NOX5: variants seen among roughly 807,000 people sequenced by gnomAD.
The protein encoded by NOX5 is NADPH oxidase, EF-hand calcium binding domain 5.
A neutral mutation model predicts 85.7 loss-of-function variants in NOX5; 76 were observed. The observed-to-expected ratio is 0.89, with a 90% CI of 0.74 to 1.07. The LOEUF is 1.07. Ranked by LOEUF, NOX5 falls within the 50% of genes least tolerant of loss-of-function variation. The pLI is 0.00. For synonymous variants in NOX5, 405 were observed against 401.4 expected, an observed-to-expected ratio of 1.01 and a Z score of -0.11; for missense variants, 973 against 999.5, an observed-to-expected ratio of 0.97 and a Z score of 0.36.
At position 69,033,193 on chromosome 15, in the gene NOX5, C is replaced by T; in HGVS notation, c.771C>T (p.Ala257=). The T allele has an allele frequency of 6.3e-7, 1 of 1,594,020 alleles. No individual in the cohort carries two copies. The highest frequency in any genetic ancestry group is 8.5e-7 in the Non-Finnish European group (1 of 1,177,572). ...GLHVLLFGLA[A]SAHRDLGASV... ...ACGTGCTGCTCTTCGGGCTGGCGGC[C>T]AGCGCGCACCGGGACCTCGGCGCCA... is the stretch of plus-strand genomic sequence containing the variant. Residue 257 remains alanine (A), a synonymous_variant, in exon 5 of 16, where the codon GCC becomes GCT. Coordinates refer to ENST00000388866, the MANE Select transcript of NOX5 (RefSeq NM_024505.4).
At chr15:69,054,220 A>G (rs369613752) in intron 14 of NOX5, among the ~76,000 whole-genome samples, 107 of 152,264 alleles carry the variant, frequency 7.0e-4, no homozygotes, top group African/African-American at 2.5e-3. Flanking sequence ...TAAAAATGAT[A>G]ACATTCATAT....
intron 3 of NOX5, chr15:69,030,673 C>G (rs989865662): frequency 3.3e-5 from 5 of 152,162 alleles, no homozygotes; most frequent in African/African-American, 1.2e-4. Context: ...ATAATATACT[C>G]TAATTGATTC....
chr15:69,060,712 A>G lies in NOX5; in HGVS notation c.*4016A>G, dbSNP rs1334719307. ...GATGTCATGTAAAAGAAAAGAAAAA[A>G]CAAGTACCAAGTGTTTGATATAATC... On this transcript the variant is annotated 3_prime_UTR_variant, in exon 16 of 16. Transcript: ENST00000388866. 6.6e-6 allele frequency: 1 copy of G among 152,236 alleles called. No individual in the cohort carries two copies. Among genetic ancestry groups the G allele is most frequent in the African/African-American group, 2.4e-5 (1 of 41,456 alleles). The allele number at this position is 152,236 out of a possible 1,614,324, so 9.4% of individuals were successfully genotyped here.
At position 69,033,081 on chromosome 15, in the gene NOX5, G is replaced by T. The variant is rs746885049; in HGVS notation, c.659G>T (p.Arg220Leu). The T allele has an allele frequency of 6.5e-7, 1 of 1,547,840 alleles. No homozygotes were observed. Among genetic ancestry groups the T allele is most frequent in the Admixed American group, 1.9e-5 (1 of 51,944 alleles). ...CTGACGGCCCCCGCCCCCCGCCCAC[G>T]CCCGCGCCGGCCGCGCCAGCTGACC... ...HWLTAPAPRP[R>L]PRRPRQLTRA... Residue 220 changes from arginine (R) to leucine (L), a missense_variant, in exon 5 of 16, where the codon CGC becomes CTC. Arg to Leu is a moderately radical substitution (Grantham distance 102). Coordinates refer to ENST00000388866, the MANE Select transcript of NOX5 (RefSeq NM_024505.4).
intron 2 of NOX5, 73 bp downstream of exon 2, chr15:69,026,724 A>G (rs1277393337): frequency 7.5e-6 from 12 of 1,597,044 alleles, no homozygotes; most frequent in African/African-American, 6.7e-5. Context: ...TAGCCCTTAC[A>G]GGGAGGGAAA....
In NOX5 at chr15:69,031,744, C is replaced by T. The variant is rs1359806135; in HGVS notation, c.552C>T (p.Ala184=). Residue 184 remains alanine, a synonymous_variant, in exon 4 of 16, where the codon GCC becomes GCT. Coordinates refer to ENST00000388866, the MANE Select transcript of NOX5 (RefSeq NM_024505.4). The part of the protein sequence containing the change: ...FESADADGNG[A]ITFEELRDEL... ...CGGCCGACGCGGACGGCAACGGGGC[C>T]ATCACCTTCGAGGAGCTCCGGGACG... is the stretch of plus-strand genomic sequence containing the variant. 6 of 1,612,598 alleles carry T rather than the reference C, an allele frequency of 3.7e-6. No individual in the cohort carries two copies. Among genetic ancestry groups the T allele is most frequent in the Non-Finnish European group, 5.1e-6 (6 of 1,179,402 alleles).
rs1036591602 is a variant in NOX5 at position 69,030,426 on chromosome 15, A to G, written c.326-1092A>G. Reference sequence around the variant, plus strand: ...GTAGCTGGCTTCACCCAGGGATGGGATATTCTTAGAGTCAGTAGAATGGAA... The same window carrying G: ...GTAGCTGGCTTCACCCAGGGATGGGGTATTCTTAGAGTCAGTAGAATGGAA... On this transcript the variant is annotated intron_variant, in intron 3 of 15. Coordinates refer to ENST00000388866, the MANE Select transcript of NOX5 (RefSeq NM_024505.4). The G allele has an allele frequency of 2.0e-5, 3 of 152,230 alleles. No individual in the cohort carries two copies. In the South Asian group the frequency reaches 6.2e-4, roughly 32 times the overall value. 9.4% of individuals were successfully genotyped at this position (152,230 alleles called of 1,614,324 possible).
At chr15:69,030,871 C>T (rs1033442731) in intron 3 of NOX5, 2 of 152,310 alleles carry the variant, frequency 1.3e-5, no homozygotes, top group East Asian at 3.9e-4. Context: ...GTCCACTACC[C>T]CAGAGGACTT....
chr15:69,034,391 C>T (rs311892), intron 5 of NOX5, among the ~76,000 whole-genome samples: 124,412 of 152,146 alleles, frequency 0.82, 53,306 homozygotes, highest in Non-Finnish European at 0.95. Flanking sequence ...AATGGCTCAA[C>T]GAGCTAACAA....
At chr15:69,026,450 G>A (rs777198700) in intron 1 of NOX5, 78 bp from the exon 2 acceptor site, 8 of 1,589,690 alleles carry the variant, frequency 5.0e-6, no homozygotes, top group Non-Finnish European at 6.9e-6. Context: ...GAGCAAGGCA[G>A]AGGCCCTGGG....
At chr15:69,015,213 C>G (rs559267341) in intron 1 of NOX5, among the ~76,000 whole-genome samples, 1 of 152,156 alleles carries the variant, frequency 6.6e-6, no homozygotes, top group South Asian at 2.1e-4. Flanking sequence ...CCCTTGAGCT[C>G]TGAAATCTGA....
Position 69,033,104 on chromosome 15 carries a change from A to T in NOX5, c.682A>T (p.Thr228Ser). 6.4e-7 allele frequency: 1 copy of T among 1,555,438 alleles called. No individual in the cohort carries two copies. The highest frequency in any genetic ancestry group is 2.3e-5 in the East Asian group (1 of 42,900). Residue 228 changes from threonine (T) to serine (S), a missense_variant, in exon 5 of 16, where the codon ACC becomes TCC. Coordinates refer to ENST00000388866, the MANE Select transcript of NOX5 (RefSeq NM_024505.4). ...RPRPRRPRQL[T>S]RAYWHNHRSQ... ...ACGCCCGCGCCGGCCGCGCCAGCTG[A>T]CCCGCGCCTACTGGCACAACCACCG...
intron 14 of NOX5, among the ~76,000 whole-genome samples, chr15:69,051,592 C>T (rs1261100921): frequency 6.6e-6 from 1 of 152,096 alleles, no homozygotes; most frequent in Non-Finnish European, 1.5e-5. Flanking sequence ...TCAGGCTGGT[C>T]TTGAACTCCT....
chr15:69,020,319 T>C (rs1019445334), intron 1 of NOX5, among the ~76,000 whole-genome samples: 2 of 152,202 alleles, frequency 1.3e-5, no homozygotes, highest in African/African-American at 2.4e-5. Context: ...CTACAGATCA[T>C]TTTCCTTAAT....
At chr15:69,039,073 C>T in intron 9 of NOX5, 84 bp downstream of exon 9, 1 of 1,454,072 alleles carries the variant, frequency 6.9e-7, no homozygotes, top group East Asian at 2.3e-5. Context: ...ACTCGGAACA[C>T]AGCACTGAAC....
At chr15:69,047,586 G>T (rs370441789) in intron 12 of NOX5, 49 bp downstream of exon 12, 6 of 1,585,752 alleles carry the variant, frequency 3.8e-6, no homozygotes, top group Non-Finnish European at 4.3e-6. Context: ...GAGCCCCAAG[G>T]CGCCCTCCCT....
In NOX5 at chr15:69,031,827, C is replaced by T. The variant is rs774348235; in HGVS notation, c.620+15C>T. On this transcript the variant is annotated intron_variant, in intron 4 of 15. Coordinates refer to ENST00000388866, the MANE Select transcript of NOX5 (RefSeq NM_024505.4). The stretch of plus-strand genomic sequence containing the variant: ...CTGACCATCAGGTACGGCCGGGTCT[C>T]GGGCATTGGCACTGTCCACGGCGGC... 4 of 1,586,646 alleles carry T rather than the reference C, an allele frequency of 2.5e-6. No individual in the cohort carries two copies. The highest frequency in any genetic ancestry group is 3.4e-6 in the Non-Finnish European group (4 of 1,161,634).
intron 1 of NOX5, among the ~76,000 whole-genome samples, chr15:69,016,462 C>T (rs1296473442): frequency 1.3e-5 from 2 of 152,106 alleles, no homozygotes; most frequent in Non-Finnish European, 2.9e-5. Flanking sequence ...ACAGGTGGTC[C>T]GCAAGAAGAA....
intron 12 of NOX5, 22 bp downstream of exon 12, chr15:69,047,559 G>A (rs1378609419): frequency 1.9e-6 from 3 of 1,607,368 alleles, no homozygotes; most frequent in Middle Eastern, 1.7e-4. Flanking sequence ...GTGTGCTCCT[G>A]CCTGCATCCT....
Sources: allele counts gnomAD v4.1 joint callset (sites outside exome capture counted in the v4.1 genomes callset), GRCh38; gene constraint gnomAD v4.1.1; transcripts MANE v1.5; gene names NCBI Gene and HGNC (gene_info 2026-07-23, HGNC 2026-07-21).